ST6GALNAC3: variants seen among roughly 807,000 people sequenced by gnomAD.
ST6GALNAC3 encodes the protein ST6 N-acetylgalactosaminide alpha-2,6-sialyltransferase 3, also known as alpha-N-acetylgalactosaminide alpha-2,6-sialyltransferase 3.
A neutral mutation model predicts 32.7 loss-of-function variants in ST6GALNAC3; 25 were observed. The observed-to-expected ratio is 0.76, with a 90% confidence interval of 0.56 to 1.07. The LOEUF (loss-of-function observed/expected upper bound fraction) is 1.07, where lower values mean the gene tolerates loss of function less well. ST6GALNAC3 is among the 50% of genes least tolerant of loss of function. The pLI, the probability that ST6GALNAC3 is intolerant of heterozygous loss-of-function variation, is 0.00. For synonymous variants in ST6GALNAC3, 129 were observed against 133.1 expected (o/e 0.97, Z 0.21); for missense variants, 355 against 382.4 (o/e 0.93, Z 0.60).
In ST6GALNAC3 at chr1:76,268,193, C is replaced by T. The variant is rs143726113; in HGVS notation, c.19-45612C>T. Among the ~76,000 whole-genome samples, 190 of 152,156 alleles carry T rather than the reference C, an allele frequency of 1.2e-3. 2 individuals carry two copies. Among genetic ancestry groups the T allele is most frequent in the African/African-American group, 3.9e-3 (162 of 41,502 alleles). On this transcript the variant is annotated intron_variant, in intron 1 of 4. Transcript: ENST00000328299. ...AATATATCTTTCTCCACTAATAAACCGAGAAGTGGTAGTGGTGCCGTTTGT... is the reference window on the plus strand; with the variant it reads ...AATATATCTTTCTCCACTAATAAACTGAGAAGTGGTAGTGGTGCCGTTTGT...
intron 1 of ST6GALNAC3, among the ~76,000 whole-genome samples, chr1:76,157,542 T>C (rs1557661139): frequency 6.6e-6 from 1 of 152,240 alleles, no homozygotes; most frequent in Non-Finnish European, 1.5e-5. Flanking sequence ...GCCACTTAAA[T>C]AGCACCTTTT....
At position 76,231,310 on chromosome 1, in the gene ST6GALNAC3, AT is replaced by A. The variant is rs563092736; in HGVS notation, c.19-82486del. On this transcript the variant is annotated intron_variant, in intron 1 of 4. Transcript: ENST00000328299. ...ACCAAGCAAATGTTTGTTTTTTAAAATTTTTTTTTATTATTTTATCGTTAAT... is the reference window on the plus strand; with the variant it reads ...ACCAAGCAAATGTTTGTTTTTTAAAATTTTTTTTATTATTTTATCGTTAAT... Among the ~76,000 whole-genome samples, 543 of 152,076 alleles carry A rather than the reference AT, an allele frequency of 3.6e-3. 5 individuals carry two copies. The highest frequency in any genetic ancestry group is 0.011 in the African/African-American group (476 of 41,456).
chr1:76,165,119 T>G (rs1211129281), intron 1 of ST6GALNAC3, among the ~76,000 whole-genome samples: 3 of 152,156 alleles, frequency 2.0e-5, no homozygotes, highest in Non-Finnish European at 4.4e-5. Flanking sequence ...GTTGACCAGG[T>G]ATTAAGCCTA....
chr1:76,076,032 G>C (rs1008151691), intron 1 of ST6GALNAC3, among the ~76,000 whole-genome samples: 8 of 152,102 alleles, frequency 5.3e-5, no homozygotes, highest in African/African-American at 1.9e-4. Context: ...CCTTCTTTGC[G>C]TAAAGGAGAT....
At chr1:76,472,219 T>C (rs931483222) in intron 3 of ST6GALNAC3, among the ~76,000 whole-genome samples, 1 of 152,174 alleles carries the variant, frequency 6.6e-6, no homozygotes, top group Non-Finnish European at 1.5e-5. Context: ...TTACTTGATC[T>C]CATCCATGCT....
chr1:76,219,350 T>C (rs76290357), intron 1 of ST6GALNAC3, among the ~76,000 whole-genome samples: 1,786 of 152,296 alleles, frequency 0.012, 36 homozygotes, highest in African/African-American at 0.04. Flanking sequence ...TTCATCAACC[T>C]AGAAAACCAA....
intron 3 of ST6GALNAC3, among the ~76,000 whole-genome samples, chr1:76,582,344 G>T (rs1278988084): frequency 1.3e-5 from 2 of 152,122 alleles, no homozygotes; most frequent in East Asian, 1.9e-4. Flanking sequence ...TTGGTGGCTG[G>T]GTTCTGAGAC....
At chr1:76,551,975 G>A (rs1310718169) in intron 3 of ST6GALNAC3, among the ~76,000 whole-genome samples, 2 of 152,214 alleles carry the variant, frequency 1.3e-5, no homozygotes, top group African/African-American at 4.8e-5. Context: ...TGGCCCTGGT[G>A]ACAGCAGCCA....
In ST6GALNAC3 at chr1:76,442,668, T is replaced by A. The variant is rs1656695476; in HGVS notation, c.623+30251T>A. 3.3e-5 allele frequency among the ~76,000 whole-genome samples: 5 copies of A among 152,308 alleles called. No individual in the cohort carries two copies. In the South Asian group the frequency reaches 8.3e-4, roughly 25 times the overall value. On this transcript the variant is annotated intron_variant, in intron 3 of 4. Coordinates refer to ENST00000328299, the MANE Select transcript of ST6GALNAC3 (RefSeq NM_152996.4). ...TGTTATTTGACAAGAACCCACTGAT[T>A]TGTACCCTGCCTGGCATATTAGACT...
At chr1:76,201,666 A>G (rs1654526429) in intron 1 of ST6GALNAC3, among the ~76,000 whole-genome samples, 1 of 152,180 alleles carries the variant, frequency 6.6e-6, no homozygotes, top group South Asian at 2.1e-4. Flanking sequence ...AAAAAACTTC[A>G]AAGACTGGAA....
At chr1:76,466,291 A>G (rs1489044868) in intron 3 of ST6GALNAC3, among the ~76,000 whole-genome samples, 2 of 152,158 alleles carry the variant, frequency 1.3e-5, no homozygotes, top group East Asian at 1.9e-4. Context: ...AGATGTCTCA[A>G]TGAACTGAAA....
chr1:76,403,982 A>T (rs1204468364), intron 2 of ST6GALNAC3, among the ~76,000 whole-genome samples: 1 of 152,114 alleles, frequency 6.6e-6, no homozygotes, highest in East Asian at 1.9e-4. Flanking sequence ...TGGCACATGT[A>T]CATGTTTATG....
chr1:76,632,107 C>CAT lies in ST6GALNAC3; in HGVS notation c.*3309_*3310dup, dbSNP rs1649326249. 6.6e-6 allele frequency: 1 copy of CAT among 152,046 alleles called. No homozygotes were observed. Among genetic ancestry groups the CAT allele is most frequent in the Admixed American group, 6.6e-5 (1 of 15,260 alleles). The allele number at this position is 152,046 out of a possible 1,614,324, so 9.4% of individuals were successfully genotyped here. ...ATATACTTATAACTATATATAAAAG[C>CAT]ATATATATAATCCTATATTCTTCAC... On this transcript the variant is annotated 3_prime_UTR_variant, in exon 5 of 5. Coordinates refer to ENST00000328299, the MANE Select transcript of ST6GALNAC3 (RefSeq NM_152996.4).
intron 1 of ST6GALNAC3, among the ~76,000 whole-genome samples, chr1:76,261,179 T>A (rs1028334457): frequency 6.6e-6 from 1 of 152,170 alleles, no homozygotes; most frequent in Non-Finnish European, 1.5e-5. Context: ...GTTCTTCCTA[T>A]CCAAATGAAG....
intron 2 of ST6GALNAC3, among the ~76,000 whole-genome samples, chr1:76,350,115 G>A (rs1648847931): frequency 6.6e-6 from 1 of 151,992 alleles, no homozygotes; most frequent in South Asian, 2.1e-4. Context: ...TAACATTTCT[G>A]TTGGTTTTTT....
At chr1:76,486,415 G>A (rs1236904332) in intron 3 of ST6GALNAC3, among the ~76,000 whole-genome samples, 1 of 152,082 alleles carries the variant, frequency 6.6e-6, no homozygotes, top group Non-Finnish European at 1.5e-5. Flanking sequence ...CTCCTGTATT[G>A]GGTGCATATA....
intron 3 of ST6GALNAC3, among the ~76,000 whole-genome samples, chr1:76,555,539 C>T (rs546240219): frequency 3.9e-5 from 6 of 152,170 alleles, no homozygotes; most frequent in Admixed American, 6.6e-5. Context: ...CATTAATGTT[C>T]TCCTAAAGGT....
intron 3 of ST6GALNAC3, among the ~76,000 whole-genome samples, chr1:76,500,164 A>G (rs530563854): frequency 2.6e-5 from 4 of 152,208 alleles, no homozygotes; most frequent in Non-Finnish European, 5.9e-5. Context: ...TGCATATCAT[A>G]TAACCTATTA....
chr1:76,297,206 G>A (rs2100836141), intron 1 of ST6GALNAC3, among the ~76,000 whole-genome samples: 1 of 152,080 alleles, frequency 6.6e-6, no homozygotes, highest in Admixed American at 6.5e-5. Context: ...CATCTCTCCT[G>A]TCTCTAAATC....
Sources: allele counts gnomAD v4.1 joint callset (sites outside exome capture counted in the v4.1 genomes callset), GRCh38; gene constraint gnomAD v4.1.1; transcripts MANE v1.5; gene names NCBI Gene and HGNC (gene_info 2026-07-23, HGNC 2026-07-21).